Variants in TXNRD3 observed in about 807,000 individuals in gnomAD.
The protein encoded by TXNRD3 is TXNRD3 neighbor gene protein.
Under a neutral mutation model 78.2 loss-of-function variants are expected in TXNRD3, and 68 were observed. That is an observed-to-expected ratio of 0.87 (90% confidence interval 0.72 to 1.06). The LOEUF (loss-of-function observed/expected upper bound fraction) is 1.06. Among genes scored for constraint, TXNRD3 ranks in the 50% least tolerant of loss-of-function variants. TXNRD3 has a pLI of 0.00. For synonymous variants in TXNRD3, 296 were observed against 300.1 expected (o/e 0.99, Z 0.14); for missense variants, 751 against 809.5 (o/e 0.93, Z 0.88).
intron 9 of TXNRD3, among the ~76,000 whole-genome samples, chr3:126,630,064 G>T (rs1472948456): frequency 6.6e-6 from 1 of 152,264 alleles, no homozygotes; most frequent in African/African-American, 2.4e-5. Context: ...GCTGGAGTCT[G>T]TAGGTTGAGT....
chr3:126,646,097 A>G lies in TXNRD3; in HGVS notation c.414+14T>C. ...GAACAAACAGCATTGAAGAACATAT[A>G]ATAGTATTATTACCTGGAAAGTTTG... is the stretch of plus-strand genomic sequence containing the variant. On this transcript the variant is annotated intron_variant, in intron 3 of 15. Transcript: ENST00000524230. 15 of 1,497,548 alleles carry G rather than the reference A, an allele frequency of 1.0e-5. No individual in the cohort carries two copies. Among genetic ancestry groups the G allele is most frequent in the Non-Finnish European group, 1.3e-5 (15 of 1,124,396 alleles). 92.8% of individuals were successfully genotyped at this position (1,497,548 alleles called of 1,614,324 possible).
chr3:126,613,255 T>C (rs1265668186), intron 13 of TXNRD3, among the ~76,000 whole-genome samples: 1 of 53,564 alleles, frequency 1.9e-5, no homozygotes, highest in Non-Finnish European at 6.5e-5. Context: ...ACTGCCTGAC[T>C]TTCCTATTTA....
At chr3:126,611,416 C>T (rs1337419028) in intron 13 of TXNRD3, among the ~76,000 whole-genome samples, 3 of 152,126 alleles carry the variant, frequency 2.0e-5, no homozygotes, top group African/African-American at 4.8e-5. Flanking sequence ...ACCAGCAACC[C>T]AAGGCAGAGC....
chr3:126,620,226 C>T (rs1377092094), intron 12 of TXNRD3, among the ~76,000 whole-genome samples: 2 of 143,336 alleles, frequency 1.4e-5, no homozygotes, highest in African/African-American at 2.6e-5. Flanking sequence ...ACCCAGGAGG[C>T]GGAGCTTGCA....
chr3:126,647,132 A>T, intron 2 of TXNRD3, 104 bp downstream of exon 2: 2 of 870,372 alleles, frequency 2.3e-6, no homozygotes, highest in Non-Finnish European at 3.3e-6. Flanking sequence ...TGCCTCATTT[A>T]ACCCGAAGAC....
chr3:126,634,790 C>T (rs926341380), intron 6 of TXNRD3, among the ~76,000 whole-genome samples: 3 of 152,070 alleles, frequency 2.0e-5, no homozygotes, highest in Non-Finnish European at 2.9e-5. Context: ...ATGAGATCCC[C>T]GAAGACAAAC....
intron 7 of TXNRD3, among the ~76,000 whole-genome samples, chr3:126,632,320 A>G (rs1156779976): frequency 6.6e-6 from 1 of 152,174 alleles, no homozygotes; most frequent in African/African-American, 2.4e-5. Flanking sequence ...CATCCTAACA[A>G]CTTAGGCTAT....
intron 6 of TXNRD3, among the ~76,000 whole-genome samples, chr3:126,637,583 A>C (rs920865549): frequency 1.3e-5 from 2 of 152,104 alleles, no homozygotes; most frequent in African/African-American, 4.8e-5. Context: ...TCCTACTTAA[A>C]ATGTAAAATT....
rs1336388035 is a variant in TXNRD3, at chr3:126,631,816, C to A, written c.919G>T (p.Glu307Ter). 1 of 1,535,972 alleles carries A rather than the reference C, an allele frequency of 6.5e-7. No individual in the cohort carries two copies. The highest frequency in any genetic ancestry group is 2.4e-5 in the East Asian group (1 of 40,898). ...TGGATTCCTAAATACCGTGGCCTTT[C>A]ACCCGTTGCTATGACAAACTGTGCA... Residue 307 changes from glutamate (E) to a stop codon, truncating the protein, a stop_gained, in exon 8 of 16, where the codon GAA becomes TAA. Coordinates refer to ENST00000524230, the MANE Select transcript of TXNRD3 (RefSeq NM_052883.3). LOFTEE classifies it high-confidence loss of function.
Position 126,617,761 on chromosome 3 carries a change from A to T in TXNRD3, c.1525-2299T>A, listed in dbSNP as rs368275157. On this transcript the variant is annotated intron_variant, in intron 12 of 15. Transcript: ENST00000524230. ...GATGAGAAAGAAATAATGGGCACCC[A>T]AACTGGGAAAACAGGAAGTGAAACT... Among the ~76,000 whole-genome samples, 19 of 152,360 alleles carry T rather than the reference A, an allele frequency of 1.2e-4. No homozygotes were observed. The South Asian group carries it at 1.7e-3, about 13-fold the overall frequency.
chr3:126,648,753 T>C (rs1083244), intron 1 of TXNRD3, among the ~76,000 whole-genome samples: 143,734 of 152,324 alleles, frequency 0.94, 67,913 homozygotes, highest in Middle Eastern at 0.98. Flanking sequence ...TAGAAGAAAA[T>C]ATACGGCAAA....
chr3:126,614,350 C>G lies in TXNRD3; in HGVS notation c.1632+1005G>C, dbSNP rs553969463. 2.0e-5 allele frequency among the ~76,000 whole-genome samples: 3 copies of G among 152,256 alleles called. No homozygotes were observed. The East Asian group carries it at 5.8e-4, about 29-fold the overall frequency. On this transcript the variant is annotated intron_variant, in intron 13 of 15. Transcript: ENST00000524230. Reference sequence around the variant, plus strand: ...GGAACTTGTTTCCTATAAAGATACTCTTTTGTCTGGGATACAGGCTTGTAC... The same window carrying G: ...GGAACTTGTTTCCTATAAAGATACTGTTTTGTCTGGGATACAGGCTTGTAC...
intron 12 of TXNRD3, among the ~76,000 whole-genome samples, chr3:126,621,323 C>A (rs1453549520): frequency 1.3e-5 from 2 of 152,242 alleles, no homozygotes; most frequent in Non-Finnish European, 2.9e-5. Context: ...CTGATTCATG[C>A]CAAGAGCTCC....
At chr3:126,646,485 G>A (rs1170729729) in intron 2 of TXNRD3, among the ~76,000 whole-genome samples, 1 of 152,142 alleles carries the variant, frequency 6.6e-6, no homozygotes, top group East Asian at 1.9e-4. Flanking sequence ...ACTATGCCAA[G>A]ACAGATAAGA....
chr3:126,635,307 G>A (rs1393180667), intron 6 of TXNRD3, among the ~76,000 whole-genome samples: 1 of 152,030 alleles, frequency 6.6e-6, no homozygotes, highest in African/African-American at 2.4e-5. Context: ...ACATCATAAT[G>A]GGAATCATGT....
chr3:126,631,081 A>C (rs1938704298), intron 8 of TXNRD3, 144 bp from the exon 9 acceptor site: 1 of 852,012 alleles, frequency 1.2e-6, no homozygotes, highest in African/African-American at 1.7e-5. Context: ...TTTGTAATTG[A>C]GTCTGCTGTG....
At position 126,655,043 on chromosome 3, in the gene TXNRD3, G is replaced by A; in HGVS notation, c.-53C>T. The A allele has an allele frequency of 2.3e-6, 3 of 1,289,462 alleles. No homozygotes were observed. In the South Asian group the frequency reaches 6.9e-5, roughly 29 times the overall value. 79.9% of individuals were successfully genotyped at this position (1,289,462 alleles called of 1,614,324 possible). A position where few individuals can be genotyped will look rare whatever the true frequency, so the allele number is the denominator to read the frequency against. ...GGGCCTGCTCACAAACCGAAACGCAGGCGGCTGCGGCGCCGGGACGGGGCC... is the reference window on the plus strand; with the variant it reads ...GGGCCTGCTCACAAACCGAAACGCAAGCGGCTGCGGCGCCGGGACGGGGCC... On this transcript the variant is annotated 5_prime_UTR_variant, in exon 1 of 16. Coordinates refer to ENST00000524230, the MANE Select transcript of TXNRD3 (RefSeq NM_052883.3).
chr3:126,632,659 CAAAA>C (rs71615915), intron 7 of TXNRD3, among the ~76,000 whole-genome samples: 2 of 59,326 alleles, frequency 3.4e-5, no homozygotes, highest in Admixed American at 1.8e-4. Flanking sequence ...GACTCTGTCT[CAAAA>C]AAAAAAAAAA....
At chr3:126,629,492 A>C in intron 9 of TXNRD3, 21 bp from the exon 10 acceptor site, 1 of 1,499,878 alleles carries the variant, frequency 6.7e-7, no homozygotes, top group Non-Finnish European at 9.0e-7. Flanking sequence ...TGAAGAGTGT[A>C]ATGATGTTAT....
Sources: allele counts gnomAD v4.1 joint callset (sites outside exome capture counted in the v4.1 genomes callset), GRCh38; gene constraint gnomAD v4.1.1; transcripts MANE v1.5; gene names NCBI Gene and HGNC (gene_info 2026-07-23, HGNC 2026-07-21).